LRRIQ3: variants seen among roughly 807,000 people sequenced by gnomAD.
LRRIQ3 encodes leucine rich repeats and IQ motif containing 3.
A neutral mutation model predicts 59.3 loss-of-function variants in LRRIQ3; 75 were observed. That is an observed-to-expected ratio of 1.26 (90% CI 1.05 to 1.53). LRRIQ3 has a LOEUF of 1.53. Ranked by LOEUF, LRRIQ3 falls within the 40% of genes most tolerant of loss-of-function variation. The pLI is 0.00. For synonymous variants in LRRIQ3, 250 were observed against 231.3 expected, an observed-to-expected ratio of 1.08 and a Z score of -0.73; for missense variants, 831 against 710.0, an observed-to-expected ratio of 1.17 and a Z score of -1.94.
intron 7 of LRRIQ3, among the ~76,000 whole-genome samples, chr1:74,036,728 G>A (rs1381784913): frequency 6.6e-6 from 1 of 152,104 alleles, no homozygotes; most frequent in Non-Finnish European, 1.5e-5. Context: ...TACATCACCT[G>A]TAAGAGAACT....
intron 6 of LRRIQ3, among the ~76,000 whole-genome samples, chr1:74,072,419 T>C (rs1655052313): frequency 6.6e-6 from 1 of 152,070 alleles, no homozygotes; most frequent in African/African-American, 2.4e-5. Flanking sequence ...TATCAACTAA[T>C]TTAAGGACCA....
In LRRIQ3 at chr1:74,026,958, A is replaced by C. The variant is rs373510272; in HGVS notation, c.1730T>G (p.Ile577Arg). 2.1e-5 allele frequency: 33 copies of C among 1,544,740 alleles called. No individual in the cohort carries two copies. The highest frequency in any genetic ancestry group is 2.8e-5 in the Non-Finnish European group (32 of 1,132,758). Residue 577 changes from isoleucine to arginine, a missense_variant, in exon 8 of 8, where the codon ATA (isoleucine) becomes AGA (arginine). Coordinates refer to ENST00000354431, the MANE Select transcript of LRRIQ3 (RefSeq NM_001105659.2). ...KEMKKVRSQEIYKRHCEEKFV... is the reference protein window; with the variant it reads ...KEMKKVRSQERYKRHCEEKFV... ...TTTTTCTTCACAATGTCTTTTATATATTTCTTGAGATCTAAGAGGAGAAAG... is the reference window on the plus strand; with the variant it reads ...TTTTTCTTCACAATGTCTTTTATATCTTTCTTGAGATCTAAGAGGAGAAAG...
intron 3 of LRRIQ3, among the ~76,000 whole-genome samples, chr1:74,160,427 T>G (rs1190834107): frequency 6.6e-5 from 10 of 152,228 alleles, no homozygotes; most frequent in Admixed American, 5.2e-4. Flanking sequence ...GAATTGAACT[T>G]CAAAGATTTT....
At chr1:74,196,203 C>T (rs1651106951) in intron 1 of LRRIQ3, among the ~76,000 whole-genome samples, 1 of 152,102 alleles carries the variant, frequency 6.6e-6, no homozygotes, top group Non-Finnish European at 1.5e-5. Flanking sequence ...TGATACCGTC[C>T]TAGATCCAAT....
At chr1:74,149,630 A>G (rs958853778) in intron 4 of LRRIQ3, among the ~76,000 whole-genome samples, 1 of 151,950 alleles carries the variant, frequency 6.6e-6, no homozygotes, top group African/African-American at 2.4e-5. Context: ...GCATTTTCTC[A>G]TGTTTATTGT....
chr1:74,079,400 T>C (rs554103456), intron 5 of LRRIQ3, among the ~76,000 whole-genome samples: 1 of 151,868 alleles, frequency 6.6e-6, no homozygotes, highest in South Asian at 2.1e-4. Context: ...TGGAACACTC[T>C]CCTTCCCAAA....
intron 4 of LRRIQ3, among the ~76,000 whole-genome samples, chr1:74,154,965 T>C (rs1391962103): frequency 6.6e-6 from 1 of 152,218 alleles, no homozygotes; most frequent in Non-Finnish European, 1.5e-5. Context: ...TGATTTAGCA[T>C]ATATTGGCTT....
chr1:74,188,176 C>G (rs1012293697), intron 1 of LRRIQ3, among the ~76,000 whole-genome samples: 5 of 152,018 alleles, frequency 3.3e-5, no homozygotes, highest in Non-Finnish European at 5.9e-5. Context: ...GATAGAAAAC[C>G]AAATACTGCA....
intron 5 of LRRIQ3, chr1:74,108,793 G>A (rs775102564): frequency 1.2e-5 from 3 of 254,842 alleles, no homozygotes; most frequent in South Asian, 3.8e-5. Flanking sequence ...CCTGGAGTCC[G>A]ATCCTACCTA....
At chr1:74,128,270 G>C (rs1219785644) in intron 4 of LRRIQ3, among the ~76,000 whole-genome samples, 1 of 151,910 alleles carries the variant, frequency 6.6e-6, no homozygotes, top group South Asian at 2.1e-4. Flanking sequence ...CTCTAGGTTT[G>C]GGAAGTTCTC....
At chr1:74,196,971 C>T (rs970433339) in intron 1 of LRRIQ3, among the ~76,000 whole-genome samples, 1 of 152,126 alleles carries the variant, frequency 6.6e-6, no homozygotes, top group African/African-American at 2.4e-5. Flanking sequence ...GAGTAAAAAC[C>T]AAAATTCTTC....
At chr1:74,172,071 T>C (rs988517007) in intron 3 of LRRIQ3, among the ~76,000 whole-genome samples, 3 of 152,188 alleles carry the variant, frequency 2.0e-5, no homozygotes, top group Non-Finnish European at 2.9e-5. Flanking sequence ...CTGAATTTTG[T>C]TGAATTTCTT....
At chr1:74,132,683 G>C (rs961129700) in intron 4 of LRRIQ3, among the ~76,000 whole-genome samples, 18 of 152,084 alleles carry the variant, frequency 1.2e-4, no homozygotes, top group African/African-American at 4.3e-4. Flanking sequence ...GAAACTGGAT[G>C]CCTTCCTTAT....
At chr1:74,035,898 A>G (rs1249645868) in intron 7 of LRRIQ3, among the ~76,000 whole-genome samples, 1 of 152,014 alleles carries the variant, frequency 6.6e-6, no homozygotes, top group African/African-American at 2.4e-5. Context: ...TCACCTCTCT[A>G]CTATAATGGT....
intron 6 of LRRIQ3, among the ~76,000 whole-genome samples, chr1:74,050,071 A>ACAC: frequency 6.6e-6 from 1 of 151,726 alleles, no homozygotes; most frequent in East Asian, 2.0e-4. Context: ...TTACAGGCAC[A>ACAC]CACCACCATA....
At position 74,183,637 on chromosome 1, in the gene LRRIQ3, C is replaced by G. The variant is rs186479659; in HGVS notation, c.48G>C (p.Trp16Cys). ...CTCTTATGTTTTCATTATAGTGACT[C>G]CATTCTTCATGACTGGTTAGCTCTT... ...VTEELTSHEE[W>C]SHYNENIREG... The change falls in exon 2 of 8, where the codon TGG (tryptophan) becomes TGC (cysteine). Residue 16 changes from tryptophan to cysteine, a missense_variant. By Grantham distance (215) the Trp-to-Cys change is radical (BLOSUM62 -2). Transcript: ENST00000354431. The G allele has an allele frequency of 4.9e-4, 795 of 1,610,638 alleles. 4 individuals are homozygous for G. The highest frequency in any genetic ancestry group is 5.9e-5 in the Non-Finnish European group (69 of 1,178,030).
intron 3 of LRRIQ3, among the ~76,000 whole-genome samples, chr1:74,179,232 G>T (rs1010646409): frequency 6.6e-6 from 1 of 151,904 alleles, no homozygotes; most frequent in Non-Finnish European, 1.5e-5. Flanking sequence ...AATTTGTAAA[G>T]TTACTTTGAT....
chr1:74,155,674 T>C, intron 4 of LRRIQ3, 59 bp downstream of exon 4: 2 of 1,444,050 alleles, frequency 1.4e-6, no homozygotes, highest in East Asian at 2.5e-5. Flanking sequence ...TGACTTCTTA[T>C]CATTTATTTC....
At chr1:74,036,080 G>C (rs1309614889) in intron 7 of LRRIQ3, among the ~76,000 whole-genome samples, 1 of 152,174 alleles carries the variant, frequency 6.6e-6, no homozygotes, top group Non-Finnish European at 1.5e-5. Context: ...GAATTTAAGT[G>C]AAGTAACACT....
Sources: gnomAD v4.1 joint callset for allele counts (sites outside exome capture counted in the v4.1 genomes callset) on GRCh38, gnomAD v4.1.1 for gene constraint, MANE v1.5 for transcripts, NCBI Gene and HGNC (gene_info 2026-07-23, HGNC 2026-07-21) for gene names.